The following TMEM161A variants were observed in gnomAD, a reference collection of about 807,000 sequenced individuals.
TMEM161A encodes transmembrane protein 161A, also known as adaptive response to oxidative stress protein 29.
A neutral mutation model predicts 57.1 loss-of-function variants in TMEM161A; 46 were observed. That is an observed-to-expected ratio of 0.81 (90% CI 0.64 to 1.03). The LOEUF (loss-of-function observed/expected upper bound fraction) is 1.03, where lower values mean the gene tolerates loss of function less well. Ranked by LOEUF, TMEM161A falls within the 50% of genes least tolerant of loss-of-function variation. The pLI, the probability that TMEM161A is intolerant of heterozygous loss-of-function variation, is 0.00. For synonymous variants in TMEM161A, 288 were observed against 279.0 expected (o/e 1.03, Z -0.32); for missense variants, 601 against 621.5 (o/e 0.97, Z 0.35).
intron 6 of TMEM161A, among the ~76,000 whole-genome samples, chr19:19,128,535 T>C (rs929860347): frequency 4.6e-5 from 6 of 129,602 alleles, no homozygotes; most frequent in Non-Finnish European, 9.4e-5. Context: ...TGGCCTACAT[T>C]TTTTTTTTTT....
Position 19,121,852 on chromosome 19 carries a change from G to A in TMEM161A, c.596-33C>T, listed in dbSNP as rs748135288. 6.2e-7 allele frequency: 1 copy of A among 1,611,514 alleles called. No homozygotes were observed. ...CGATAAGAAGAGGACCGAGTAGAGTGAATTCCTAGGGTCTCTAAGGCCACT... is the reference window on the plus strand; with the variant it reads ...CGATAAGAAGAGGACCGAGTAGAGTAAATTCCTAGGGTCTCTAAGGCCACT... On this transcript the variant is annotated intron_variant, in intron 6 of 11. Transcript: ENST00000162044. This position sits in a 1 kb window ranked among gnomAD's most constrained non-coding sequence, Gnocchi z 5.8.
chr19:19,133,007 C>T lies in TMEM161A; in HGVS notation c.188+123G>A, dbSNP rs552651974. The T allele has an allele frequency of 2.5e-5, 22 of 883,832 alleles. No individual in the cohort carries two copies. The Middle Eastern group carries it at 1.4e-3, about 55-fold the overall frequency. 54.7% of individuals were successfully genotyped at this position (883,832 alleles called of 1,614,324 possible). On this transcript the variant is annotated intron_variant, in intron 3 of 11. Transcript: ENST00000162044. ...CCCGGTTCACCTGTGCCCAGATCAG[C>T]GCCTGGAAGTATGGGTGGGCCGGTC...
intron 5 of TMEM161A, among the ~76,000 whole-genome samples, chr19:19,130,791 G>C (rs974081540): frequency 1.3e-5 from 2 of 151,716 alleles, no homozygotes; most frequent in African/African-American, 4.8e-5. Context: ...TAATTTTGTG[G>C]TAGCCCCTGT....
intron 2 of TMEM161A, 50 bp downstream of exon 2, chr19:19,134,734 G>A: frequency 7.2e-7 from 1 of 1,390,096 alleles, no homozygotes. Flanking sequence ...TGGGGAGCCA[G>A]AAGGGGGCGT....
At chr19:19,126,260 A>G (rs2059930801) in intron 6 of TMEM161A, among the ~76,000 whole-genome samples, 1 of 152,166 alleles carries the variant, frequency 6.6e-6, no homozygotes, top group Non-Finnish European at 1.5e-5. Flanking sequence ...ACTTCCATTC[A>G]TCAAGACACT....
chr19:19,133,065 G>C, intron 3 of TMEM161A, 65 bp downstream of exon 3: 17 of 1,488,214 alleles, frequency 1.1e-5, no homozygotes, highest in Non-Finnish European at 1.5e-5. Flanking sequence ...CCCTGAGCAG[G>C]GGTGAGGCCG....
intron 6 of TMEM161A, among the ~76,000 whole-genome samples, chr19:19,127,123 A>G (rs745522667): frequency 8.5e-5 from 13 of 152,102 alleles, no homozygotes; most frequent in Non-Finnish European, 1.8e-4. Context: ...AAGTAGAATT[A>G]TCATATAATC....
At chr19:19,135,912 A>G (rs565170043) in intron 1 of TMEM161A, among the ~76,000 whole-genome samples, 57 of 151,486 alleles carry the variant, frequency 3.8e-4, no homozygotes, top group African/African-American at 1.3e-3. Context: ...GGGTCTTGCT[A>G]TGTTGTCCAG....
At chr19:19,131,340 C>G (rs539210882) in intron 5 of TMEM161A, among the ~76,000 whole-genome samples, 1 of 152,122 alleles carries the variant, frequency 6.6e-6, no homozygotes, top group African/African-American at 2.4e-5. Flanking sequence ...CTTCCTCAGA[C>G]TTGGGTCCCC....
In TMEM161A at chr19:19,134,785, T is replaced by A. The variant is rs1363492763; in HGVS notation, c.106A>T (p.Ser36Cys). The change falls in exon 2 of 12, where the codon AGT becomes TGT. Residue 36 changes from serine (S) to cysteine (C), a missense_variant and splice_region_variant. Coordinates refer to ENST00000162044, the MANE Select transcript of TMEM161A (RefSeq NM_017814.3). ...TCCCACCGCCGGGGCGGGGCTCACC[T>A]GCCGTTACAGAGCAGCCAGCGCGCG... The part of the protein sequence containing the change: ...SFARWLLCNG[S>C]LFRYKHPSEE... The A allele has an allele frequency of 1.3e-6, 2 of 1,569,018 alleles. No individual in the cohort carries two copies. The highest frequency in any genetic ancestry group is 1.7e-6 in the Non-Finnish European group (2 of 1,159,676).
chr19:19,124,721 G>A (rs779009572), intron 6 of TMEM161A, among the ~76,000 whole-genome samples: 16 of 152,074 alleles, frequency 1.1e-4, no homozygotes, highest in Non-Finnish European at 2.1e-4. Flanking sequence ...TTGAGAGGCC[G>A]AGGTGGGTGG....
At chr19:19,128,989 A>T (rs902754313) in intron 6 of TMEM161A, among the ~76,000 whole-genome samples, 2 of 152,250 alleles carry the variant, frequency 1.3e-5, no homozygotes, top group Non-Finnish European at 2.9e-5. Flanking sequence ...TTTCACAAAA[A>T]TTTCACAGAA....
At chr19:19,122,015 T>C (rs4808923) in intron 6 of TMEM161A, among the ~76,000 whole-genome samples, 196 bp from the exon 7 acceptor site, 128,128 of 152,140 alleles carry the variant, frequency 0.84, 54,098 homozygotes, top group East Asian at 0.92. Context: ...GAAACAAGAT[T>C]GGAGTGGTGG....
chr19:19,120,327 T>A (rs2059902539), intron 11 of TMEM161A, 144 bp from the exon 12 acceptor site: 1 of 758,714 alleles, frequency 1.3e-6, no homozygotes, highest in East Asian at 2.7e-5. Flanking sequence ...CTCCACCCCC[T>A]CAGGCGCTGC....
Position 19,121,957 on chromosome 19 carries a change from C to A in TMEM161A, c.596-138G>T. The stretch of plus-strand genomic sequence containing the variant: ...AACAAGGGTCTGCCAGGCCCTGAGC[C>A]AGGCACAAGGACAATTTTGTGCTCT... On this transcript the variant is annotated intron_variant, in intron 6 of 11. Transcript: ENST00000162044. This position sits in a 1 kb window ranked among gnomAD's most constrained non-coding sequence, Gnocchi z 5.8. 1.1e-6 allele frequency: 1 copy of A among 919,084 alleles called. No homozygotes were observed. The highest frequency in any genetic ancestry group is 1.6e-6 in the Non-Finnish European group (1 of 615,284). 56.9% of individuals were successfully genotyped at this position (919,084 alleles called of 1,614,324 possible). A position where few individuals can be genotyped will look rare whatever the true frequency, so the allele number is the denominator to read the frequency against.
chr19:19,135,631 A>G (rs1462587160), intron 1 of TMEM161A, among the ~76,000 whole-genome samples: 1 of 152,136 alleles, frequency 6.6e-6, no homozygotes, highest in Non-Finnish European at 1.5e-5. Flanking sequence ...GCTGGAGTGC[A>G]GTGGCATGCT....
At chr19:19,122,578 A>G (rs2059915833) in intron 6 of TMEM161A, among the ~76,000 whole-genome samples, 1 of 152,076 alleles carries the variant, frequency 6.6e-6, no homozygotes, top group African/African-American at 2.4e-5. Flanking sequence ...CACAAGTTTG[A>G]GACCAGCCTG....
intron 6 of TMEM161A, among the ~76,000 whole-genome samples, chr19:19,126,344 T>C (rs2059931242): frequency 6.6e-6 from 1 of 152,212 alleles, no homozygotes; most frequent in Non-Finnish European, 1.5e-5. Context: ...CGGAAAATAA[T>C]GCAAATAGTG....
chr19:19,125,514 CTTT>C (rs1187202482), intron 6 of TMEM161A, among the ~76,000 whole-genome samples: 2 of 115,988 alleles, frequency 1.7e-5, no homozygotes, highest in Admixed American at 8.9e-5. Context: ...CCTTGCCCAG[CTTT>C]TTTTTTTTTT....
Sources: gnomAD v4.1 joint callset for allele counts (sites outside exome capture counted in the v4.1 genomes callset) on GRCh38, gnomAD v4.1.1 for gene constraint, Gnocchi (gnomAD v3.1) non-coding constraint, MANE v1.5 for transcripts, NCBI Gene and HGNC (gene_info 2026-07-23, HGNC 2026-07-21) for gene names.